The following RCN3 variants were observed in gnomAD, a reference collection of about 807,000 sequenced individuals.
RCN3 encodes the protein reticulocalbin-3.
RCN3 carries 41 observed loss-of-function variants against 35.9 expected under a neutral mutation model. The observed-to-expected ratio is 1.14, with a 90% confidence interval of 0.89 to 1.48. RCN3 has a LOEUF of 1.48. Among genes scored for constraint, RCN3 ranks in the 40% most tolerant of loss-of-function variants. RCN3 has a pLI of 0.00. For synonymous variants in RCN3, 187 were observed against 193.4 expected (o/e 0.97, Z 0.27); for missense variants, 451 against 471.3 (o/e 0.96, Z 0.40).
chr19:49,541,269 C>T (rs2080161642), intron 5 of RCN3, among the ~76,000 whole-genome samples: 1 of 152,010 alleles, frequency 6.6e-6, no homozygotes, highest in South Asian at 2.1e-4. Flanking sequence ...ACTTCATCTT[C>T]CATTCCTCAG....
chr19:49,538,483 T>C (rs1462859263), intron 4 of RCN3, among the ~76,000 whole-genome samples: 1 of 151,898 alleles, frequency 6.6e-6, no homozygotes, highest in Non-Finnish European at 1.5e-5. Context: ...GGCTAATTTT[T>C]AAATTTTGTG....
chr19:49,543,040 G>A (rs2080171115), intron 6 of RCN3, 66 bp from the exon 7 acceptor site: 2 of 1,321,972 alleles, frequency 1.5e-6, no homozygotes, highest in South Asian at 2.4e-5. Flanking sequence ...GGACACGCTT[G>A]GATGCAGGGA....
chr19:49,542,692 T>G lies in RCN3; in HGVS notation c.819T>G (p.Pro273=), dbSNP rs761004393. The G allele has an allele frequency of 1.0e-5, 16 of 1,597,292 alleles. No homozygotes were observed. In the South Asian group the frequency reaches 1.7e-4, roughly 17 times the overall value. The part of the protein sequence containing the change: ...GSEVGHWVLP[P]AQDQPLVEAN... ...AGGTGGGCCACTGGGTGCTGCCCCC[T>G]GCCCAGGACCAGCCCCTGGTGGAAG... is the stretch of plus-strand genomic sequence containing the variant. Residue 273 remains proline (P), a synonymous_variant, in exon 6 of 7, where the codon CCT becomes CCG. Coordinates refer to ENST00000270645, the MANE Select transcript of RCN3 (RefSeq NM_020650.3).
chr19:49,540,027 ATTTT>A (rs1418468330), intron 5 of RCN3, among the ~76,000 whole-genome samples: 1 of 150,938 alleles, frequency 6.6e-6, no homozygotes, highest in African/African-American at 2.4e-5. Flanking sequence ...CCGGCCAGGA[ATTTT>A]TTTTTAAGTT....
In RCN3 at chr19:49,531,963, G is replaced by A. The variant is rs944459520; in HGVS notation, c.243-2230G>A. 8.3e-4 allele frequency among the ~76,000 whole-genome samples: 125 copies of A among 151,282 alleles called. 1 individual carries two copies. The highest frequency in any genetic ancestry group is 2.7e-3 in the African/African-American group (111 of 41,202). On this transcript the variant is annotated intron_variant, in intron 2 of 6. Transcript: ENST00000270645. ...CTACAGGCGCCCACCACCACGCCCA[G>A]CTAATTTTTTTGTATTTTTAGTAGA...
At chr19:49,528,366 C>T in intron 1 of RCN3, 101 bp from the exon 2 acceptor site, 3 of 1,183,624 alleles carry the variant, frequency 2.5e-6, no homozygotes, top group Non-Finnish European at 3.4e-6. Flanking sequence ...ACTTCCAACT[C>T]CCTGTCCTGT....
chr19:49,533,734 G>A (rs1308578250), intron 2 of RCN3, among the ~76,000 whole-genome samples: 1 of 151,668 alleles, frequency 6.6e-6, no homozygotes, highest in Non-Finnish European at 1.5e-5. Flanking sequence ...GTCGGGGCCT[G>A]AGACAGCGGG....
chr19:49,528,951 G>GC (rs1245472888), intron 2 of RCN3, among the ~76,000 whole-genome samples: 1 of 152,186 alleles, frequency 6.6e-6, no homozygotes, highest in Non-Finnish European at 1.5e-5. Context: ...GGAGGCCAAG[G>GC]CAGGCCGATC....
chr19:49,537,408 C>T (rs991652582), intron 4 of RCN3, among the ~76,000 whole-genome samples: 4 of 152,216 alleles, frequency 2.6e-5, no homozygotes, highest in African/African-American at 4.8e-5. Context: ...GGTCTGATCT[C>T]TCCTCGTCTG....
intron 2 of RCN3, among the ~76,000 whole-genome samples, chr19:49,529,006 A>G (rs1443257346): frequency 6.6e-6 from 1 of 152,040 alleles, no homozygotes; most frequent in Non-Finnish European, 1.5e-5. Context: ...ACATGGTGAA[A>G]TCCCGTCTCT....
At chr19:49,539,969 C>T (rs1357634705) in intron 5 of RCN3, among the ~76,000 whole-genome samples, 1 of 152,088 alleles carries the variant, frequency 6.6e-6, no homozygotes, top group East Asian at 1.9e-4. Context: ...GTGATCTGCT[C>T]ATCTTGGCCT....
At chr19:49,540,773 T>G (rs2080159296) in intron 5 of RCN3, among the ~76,000 whole-genome samples, 2 of 151,442 alleles carry the variant, frequency 1.3e-5, no homozygotes, top group African/African-American at 4.9e-5. Context: ...CAGTGCGGCC[T>G]CTGGAGATAC....
rs2080111113 is a variant in RCN3, at chr19:49,532,113, T to C, written c.243-2080T>C. ...ATGGCGCCTGGCCTTTTTTTTTTTT[T>C]TTTTTTTTTTGAGACAGAGTCTCAC... On this transcript the variant is annotated intron_variant, in intron 2 of 6. Transcript: ENST00000270645. Among the ~76,000 whole-genome samples the C allele has an allele frequency of 4.5e-5, 6 of 134,764 alleles. No individual in the cohort carries two copies. In the South Asian group the frequency reaches 1.5e-3, roughly 34 times the overall value. The allele number at this position is 134,764 out of a possible 152,430, so 88.4% of individuals were successfully genotyped here. A position where few individuals can be genotyped will look rare whatever the true frequency, so the allele number is the denominator to read the frequency against.
chr19:49,534,271 G>A lies in RCN3; in HGVS notation c.321G>A (p.Ala107=), dbSNP rs1368542204. The A allele has an allele frequency of 2.1e-6, 3 of 1,461,036 alleles. No individual in the cohort carries two copies. The highest frequency in any genetic ancestry group is 2.7e-6 in the Non-Finnish European group (3 of 1,109,240). The allele number at this position is 1,461,036 out of a possible 1,614,324, so 90.5% of individuals were successfully genotyped here. The part of the protein sequence containing the change: ...VSLAELRAWI[A]HTQQRHIRDS... ...TGGCCGAGCTTCGCGCGTGGATCGCGCACACGCAGCAGCGGCACATACGGG... is the reference window on the plus strand; with the variant it reads ...TGGCCGAGCTTCGCGCGTGGATCGCACACACGCAGCAGCGGCACATACGGG... Residue 107 remains alanine (A), a synonymous_variant, in exon 3 of 7, where the codon GCG becomes GCA. Coordinates refer to ENST00000270645, the MANE Select transcript of RCN3 (RefSeq NM_020650.3).
chr19:49,539,048 C>A, intron 4 of RCN3, 71 bp from the exon 5 acceptor site: 1 of 1,161,616 alleles, frequency 8.6e-7, no homozygotes, highest in Non-Finnish European at 1.2e-6. Flanking sequence ...CTCACTCTTA[C>A]CCCAGGGGTC....
At chr19:49,528,380 A>C in intron 1 of RCN3, 87 bp from the exon 2 acceptor site, 1 of 1,295,452 alleles carries the variant, frequency 7.7e-7, no homozygotes, top group Non-Finnish European at 1.0e-6. Flanking sequence ...GTCCTGTCCT[A>C]GGTAACCCCT....
chr19:49,535,055 C>T (rs768795720), intron 3 of RCN3, among the ~76,000 whole-genome samples: 25 of 152,170 alleles, frequency 1.6e-4, no homozygotes, highest in African/African-American at 5.3e-4. Flanking sequence ...CACAGGGCTC[C>T]GGGGGCGGGG....
At chr19:49,539,458 C>T (rs2080152813) in intron 5 of RCN3, among the ~76,000 whole-genome samples, 1 of 147,514 alleles carries the variant, frequency 6.8e-6, no homozygotes, top group Non-Finnish European at 1.5e-5. Context: ...GCGCCTACAG[C>T]AGACAATAAC....
chr19:49,543,217 CCG>C lies in RCN3; in HGVS notation c.*8_*9del, dbSNP rs749621974. The C allele has an allele frequency of 4.4e-6, 7 of 1,601,314 alleles. No homozygotes were observed. In the Admixed American group the frequency reaches 1.2e-4, roughly 27 times the overall value. ...CCGGCACCACGATGAGCTGTGAGCA[CCG>C]CGCACCTGCCACAGCCTCAGAGGCC... On this transcript the variant is annotated 3_prime_UTR_variant, in exon 7 of 7. Coordinates refer to ENST00000270645, the MANE Select transcript of RCN3 (RefSeq NM_020650.3).
Sources: gnomAD v4.1 joint callset for allele counts (sites outside exome capture counted in the v4.1 genomes callset) on GRCh38, gnomAD v4.1.1 for gene constraint, MANE v1.5 for transcripts, NCBI Gene and HGNC (gene_info 2026-07-23, HGNC 2026-07-21) for gene names.